The following RUFY4 variants were observed in gnomAD, a reference collection of about 807,000 sequenced individuals.
The protein encoded by RUFY4 is RUN and FYVE domain containing 4.
Under a neutral mutation model 69.0 loss-of-function variants are expected in RUFY4, and 73 were observed. That is an observed-to-expected ratio of 1.06 (90% CI 0.88 to 1.29). The LOEUF (loss-of-function observed/expected upper bound fraction) is 1.29, where lower values mean the gene tolerates loss of function less well. RUFY4 is among the 50% of genes most tolerant of loss of function. The pLI, the probability that RUFY4 is intolerant of heterozygous loss-of-function variation, is 0.00. For synonymous variants in RUFY4, 287 were observed against 271.8 expected (o/e 1.06, Z -0.55); for missense variants, 770 against 705.6 (o/e 1.09, Z -1.03).
In RUFY4 at chr2:218,045,143, T is replaced by C. The variant is rs990333973; in HGVS notation, c.-1158+9749T>C. Among the ~76,000 whole-genome samples, 10 of 152,230 alleles carry C rather than the reference T, an allele frequency of 6.6e-5. No homozygotes were observed. In the East Asian group the frequency reaches 9.6e-4, roughly 15 times the overall value. On this transcript the variant is annotated intron_variant and NMD_transcript_variant, in intron 2 of 13. Coordinates refer to the RUFY4 transcript ENST00000457754. ...ACTTTTTAATAGTAGCCATTCTGAC[T>C]GGTGCCAAGTGGTATCTTATTTTTT...
intron 9 of RUFY4, among the ~76,000 whole-genome samples, chr2:218,083,656 C>T (rs975484393): frequency 3.3e-5 from 5 of 151,380 alleles, no homozygotes; most frequent in Non-Finnish European, 7.4e-5. Flanking sequence ...GCTGAGGCAA[C>T]AGAATCACTT....
chr2:218,076,675 T>C (rs1689640583), intron 8 of RUFY4, 142 bp downstream of exon 10: 2 of 1,348,756 alleles, frequency 1.5e-6, no homozygotes, highest in Non-Finnish European at 2.0e-6. Context: ...ATCTGAGGCC[T>C]GCAGGGCATT....
chr2:218,057,711 G>C (rs1689093662), intron 2 of RUFY4, among the ~76,000 whole-genome samples: 1 of 152,148 alleles, frequency 6.6e-6, no homozygotes, highest in Non-Finnish European at 1.5e-5. Context: ...CCCAGGCCCA[G>C]GCAACCAGTC....
At chr2:218,040,922 T>C (rs10498057) in intron 2 of RUFY4, among the ~76,000 whole-genome samples, 15,067 of 151,860 alleles carry the variant, frequency 0.099, 2,344 homozygotes, top group African/African-American at 0.33. Flanking sequence ...CAGGATAGAA[T>C]GAGAACTAGA....
chr2:218,074,287 G>C (rs1689571477), intron 6 of RUFY4, among the ~76,000 whole-genome samples: 1 of 152,162 alleles, frequency 6.6e-6, no homozygotes, highest in South Asian at 2.1e-4. Context: ...AGGTTGCCCG[G>C]TTGAATTCCA....
chr2:218,049,316 G>T (rs1574494932), intron 2 of RUFY4, among the ~76,000 whole-genome samples: 1 of 152,170 alleles, frequency 6.6e-6, no homozygotes, highest in Non-Finnish European at 1.5e-5. Flanking sequence ...GCCTGGGAAA[G>T]TCTCTATGTC....
At chr2:218,036,772 C>G (rs879611402) in intron 2 of RUFY4, among the ~76,000 whole-genome samples, 3 of 152,222 alleles carry the variant, frequency 2.0e-5, no homozygotes, top group Admixed American at 2.0e-4. Flanking sequence ...CTGTCCACAG[C>G]GTGAAGTCAT....
Position 218,063,630 on chromosome 2 carries a change from C to T in RUFY4, c.-1071+4949C>T, listed in dbSNP as rs555293568. On this transcript the variant is annotated intron_variant and NMD_transcript_variant, in intron 3 of 13. Coordinates refer to the RUFY4 transcript ENST00000457754. ...ACCAGCAGGCAAGGGGCAGAGTGGGCCAAGAGGAATAGGAAGAACCTCAGA... is the reference window on the plus strand; with the variant it reads ...ACCAGCAGGCAAGGGGCAGAGTGGGTCAAGAGGAATAGGAAGAACCTCAGA... 1.6e-3 allele frequency among the ~76,000 whole-genome samples: 240 copies of T among 152,230 alleles called. 7 individuals carry two copies. In the South Asian group the frequency reaches 0.045, roughly 29 times the overall value.
intron 8 of RUFY4, 85 bp downstream of exon 10, chr2:218,076,618 G>C (rs1689639682): frequency 3.3e-6 from 5 of 1,516,790 alleles, no homozygotes; most frequent in South Asian, 1.2e-5. Flanking sequence ...GTGAGGTCTT[G>C]TGAGAACCTC....
chr2:218,040,892 A>G (rs536532438), intron 2 of RUFY4, among the ~76,000 whole-genome samples: 1 of 152,214 alleles, frequency 6.6e-6, no homozygotes, highest in South Asian at 2.1e-4. Context: ...CAAGGTCACG[A>G]GACTTATTAA....
Position 218,083,147 on chromosome 2 carries a change from G to A in RUFY4, c.1393G>A (p.Glu465Lys), listed in dbSNP as rs569905854. 31 of 1,613,688 alleles carry A rather than the reference G, an allele frequency of 1.9e-5. No individual in the cohort carries two copies. In the African/African-American group the frequency reaches 2.3e-4, roughly 12 times the overall value. ...GAGAGCCGAGCTGCAGGCACAGCTGGAGCAGAAGCAACAGGAGGCTGAGAG... is the reference window on the plus strand; with the variant it reads ...GAGAGCCGAGCTGCAGGCACAGCTGAAGCAGAAGCAACAGGAGGCTGAGAG... The change falls in exon 9 of 11, where the codon GAG becomes AAG. Residue 465 changes from glutamate (E) to lysine (K), a missense_variant. Glu to Lys is a moderately conservative substitution (Grantham distance 56). Transcript: ENST00000344321.
At chr2:218,060,599 T>C in intron 3 of RUFY4, 3 of 1,343,346 alleles carry the variant, frequency 2.2e-6, no homozygotes, top group Non-Finnish European at 3.2e-6. Context: ...CCCATGAGGG[T>C]GTCTGCCAGC....
At chr2:218,058,234 T>C (rs1318864089) in intron 2 of RUFY4, among the ~76,000 whole-genome samples, 1 of 152,224 alleles carries the variant, frequency 6.6e-6, no homozygotes, top group Non-Finnish European at 1.5e-5. Context: ...TGTCCTTGTG[T>C]TCTTCTGATC....
At chr2:218,073,997 AC>A (rs1689561002) in intron 6 of RUFY4, 112 bp downstream of exon 8, 1 of 1,037,322 alleles carries the variant, frequency 9.6e-7, no homozygotes, top group Non-Finnish European at 1.5e-6. Flanking sequence ...CCCTGACCCT[AC>A]AGGACAGACA....
intron 9 of RUFY4, among the ~76,000 whole-genome samples, chr2:218,085,205 C>T (rs1343516154): frequency 6.6e-6 from 1 of 152,174 alleles, no homozygotes. Flanking sequence ...CTAAATCTCA[C>T]TTCCCATCCA....
intron 7 of RUFY4, 42 bp from the exon 10 acceptor site, chr2:218,076,385 C>T (rs776286363): frequency 3.9e-6 from 6 of 1,544,102 alleles, no homozygotes; most frequent in Admixed American, 2.0e-5. Context: ...GGGTCTCTGC[C>T]CTTCTCCTTC....
chr2:218,089,424 C>A, intron 10 of RUFY4, 62 bp downstream of exon 12: 1 of 1,405,394 alleles, frequency 7.1e-7, no homozygotes, highest in Non-Finnish European at 9.9e-7. Context: ...GCTGACAGCC[C>A]CCACCCACCC....
At chr2:218,057,253 A>G (rs1689084549) in intron 2 of RUFY4, among the ~76,000 whole-genome samples, 1 of 152,020 alleles carries the variant, frequency 6.6e-6, no homozygotes, top group Non-Finnish European at 1.5e-5. Flanking sequence ...TGCAAAGACC[A>G]CCCCAGTCTG....
intron 8 of RUFY4, among the ~76,000 whole-genome samples, chr2:218,077,284 C>T (rs568947880): frequency 1.3e-5 from 2 of 152,284 alleles, no homozygotes; most frequent in Non-Finnish European, 2.9e-5. Context: ...CTTCATCTTC[C>T]GTCATCACAT....
Sources: allele counts gnomAD v4.1 joint callset (sites outside exome capture counted in the v4.1 genomes callset), GRCh38; gene constraint gnomAD v4.1.1; transcripts MANE v1.5; gene names NCBI Gene and HGNC (gene_info 2026-07-23, HGNC 2026-07-21).